The following CDK8 variants were observed in gnomAD, a reference collection of about 807,000 sequenced individuals.
CDK8 encodes cyclin-dependent kinase 8.
A neutral mutation model predicts 71.5 loss-of-function variants in CDK8; 29 were observed. The ratio of observed to expected loss-of-function variants is 0.41; its 90% CI spans 0.30 to 0.55. The LOEUF (loss-of-function observed/expected upper bound fraction) is 0.55, where lower values mean the gene tolerates loss of function less well. CDK8 is among the 20% of genes least tolerant of loss of function. The probability of loss-of-function intolerance (pLI) is 0.37; values close to 1 mark genes in which losing one functional copy is unlikely to be tolerated. For synonymous variants in CDK8, 161 were observed against 192.1 expected (o/e 0.84, Z 1.34); for missense variants, 288 against 572.6 (o/e 0.50, Z 5.07).
rs2138081059 is a variant in CDK8, at chr13:26,404,637, G to A, written c.*556G>A. 1 of 230,978 alleles carries A rather than the reference G, an allele frequency of 4.3e-6. No individual in the cohort carries two copies. The highest frequency in any genetic ancestry group is 2.2e-5 in the African/African-American group (1 of 45,292). The allele number at this position is 230,978 out of a possible 1,614,324, so 14.3% of individuals were successfully genotyped here. A position where few individuals can be genotyped will look rare whatever the true frequency, so the allele number is the denominator to read the frequency against. ...TCAGTGTTTTCTGACCAAGAATATT[G>A]CTTGGATTTTTTTGAAAGTACAAAA... On this transcript the variant is annotated 3_prime_UTR_variant, in exon 13 of 13. Coordinates refer to ENST00000381527, the MANE Select transcript of CDK8 (RefSeq NM_001260.3).
chr13:26,315,170 TAAATC>T (rs1248945789), intron 1 of CDK8, among the ~76,000 whole-genome samples: 1 of 152,238 alleles, frequency 6.6e-6, no homozygotes, highest in Non-Finnish European at 1.5e-5. Flanking sequence ...TATAATTTGT[TAAATC>T]ATAGTTTCTA....
At chr13:26,265,711 A>G (rs1871990804) in intron 1 of CDK8, among the ~76,000 whole-genome samples, 1 of 152,156 alleles carries the variant, frequency 6.6e-6, no homozygotes, top group Non-Finnish European at 1.5e-5. Flanking sequence ...CGGTGAGACA[A>G]TTGAAAGAAT....
In CDK8 at chr13:26,296,102, T is replaced by C. The variant is rs143457586; in HGVS notation, c.128+41333T>C. On this transcript the variant is annotated intron_variant, in intron 1 of 12. Transcript: ENST00000381527. ...GAGTGCCAAAATTAAGCCATGAAAATTGATTCTATCCCATCCGAAGAGCTC... is the reference window on the plus strand; with the variant it reads ...GAGTGCCAAAATTAAGCCATGAAAACTGATTCTATCCCATCCGAAGAGCTC... Among the ~76,000 whole-genome samples the C allele has an allele frequency of 8.0e-3, 1,212 of 152,242 alleles. 25 individuals carry two copies. Among genetic ancestry groups the C allele is most frequent in the African/African-American group, 0.026 (1,091 of 41,544 alleles).
intron 1 of CDK8, among the ~76,000 whole-genome samples, chr13:26,303,805 A>G (rs533153473): frequency 9.8e-5 from 15 of 152,328 alleles, no homozygotes; most frequent in African/African-American, 3.4e-4. Flanking sequence ...TATAGGTATC[A>G]GGGCAAATTT....
intron 7 of CDK8, among the ~76,000 whole-genome samples, chr13:26,395,560 A>G (rs1875952890): frequency 6.6e-6 from 1 of 151,914 alleles, no homozygotes; most frequent in African/African-American, 2.4e-5. Flanking sequence ...GTAGACTCTC[A>G]GGAAAACCCA....
In CDK8 at chr13:26,375,629, T is replaced by G. The variant is rs1018493257; in HGVS notation, c.457-7185T>G. Among the ~76,000 whole-genome samples, 3 of 152,228 alleles carry G rather than the reference T, an allele frequency of 2.0e-5. No individual in the cohort carries two copies. In the South Asian group the frequency reaches 6.2e-4, roughly 31 times the overall value. On this transcript the variant is annotated intron_variant, in intron 4 of 12. Coordinates refer to ENST00000381527, the MANE Select transcript of CDK8 (RefSeq NM_001260.3). ...ATATGCACAAAGTTCATTGCAGCAT[T>G]GTTTCTTAATTACAAGATATTGGAA...
rs1332032880 is a variant in CDK8, at chr13:26,353,834, A to G, written c.410A>G (p.Asp137Gly). The G allele has an allele frequency of 1.2e-6, 2 of 1,613,208 alleles. No individual in the cohort carries two copies. The highest frequency in any genetic ancestry group is 1.7e-5 in the Admixed American group (1 of 60,006). The change falls in exon 4 of 13, where the codon GAT becomes GGT. Residue 137 changes from aspartate to glycine, a missense_variant. Physicochemically the swap from Asp to Gly is moderately conservative, Grantham distance 94 (BLOSUM62 -1). Around this residue, in one of 6 missense-constraint regions of CDK8, gnomAD observed 95 missense variants for 177.3 expected, o/e 0.54. Transcript: ENST00000381527. The part of the protein sequence containing the change: ...MVKSLLYQIL[D>G]GIHYLHANWV... ...AAGTCACTATTATATCAGATCCTAG[A>G]TGGTATTCACTACCTGCATGCTAAC...
chr13:26,281,028 G>A (rs1332466360), intron 1 of CDK8, among the ~76,000 whole-genome samples: 2 of 152,236 alleles, frequency 1.3e-5, no homozygotes, highest in Non-Finnish European at 2.9e-5. Flanking sequence ...TCTGGCTGGA[G>A]GCCAACCACA....
intron 1 of CDK8, among the ~76,000 whole-genome samples, chr13:26,257,817 T>G (rs1380416264): frequency 6.6e-6 from 1 of 152,160 alleles, no homozygotes; most frequent in Non-Finnish European, 1.5e-5. Flanking sequence ...AAAAGGCATT[T>G]TCTTAGCAGG....
In CDK8 at chr13:26,254,891, C is replaced by G; in HGVS notation, c.128+122C>G. ...GCTCTGACTTCCTCGACGCCGGCCT[C>G]TGGCTCCGCCAGCCAGGTTTGGGGA... On this transcript the variant is annotated intron_variant, in intron 1 of 12. Coordinates refer to ENST00000381527, the MANE Select transcript of CDK8 (RefSeq NM_001260.3). The surrounding 1 kb of genome is among the most constrained non-coding windows in gnomAD (Gnocchi z 6.7). 1 of 1,378,710 alleles carries G rather than the reference C, an allele frequency of 7.3e-7. No homozygotes were observed. The highest frequency in any genetic ancestry group is 9.8e-7 in the Non-Finnish European group (1 of 1,017,310). The allele number at this position is 1,378,710 out of a possible 1,614,324, so 85.4% of individuals were successfully genotyped here.
intron 1 of CDK8, among the ~76,000 whole-genome samples, chr13:26,270,159 G>T (rs1416246014): frequency 6.6e-6 from 1 of 152,018 alleles, no homozygotes; most frequent in South Asian, 2.1e-4. Context: ...GGAGGCCGAG[G>T]CAGGTAGATC....
chr13:26,389,262 A>G (rs879758667), intron 6 of CDK8, among the ~76,000 whole-genome samples: 2 of 152,146 alleles, frequency 1.3e-5, no homozygotes, highest in African/African-American at 2.4e-5. Context: ...TCCCAGGTTC[A>G]GGCAATTCTG....
At chr13:26,328,042 C>T (rs1373711585) in intron 1 of CDK8, among the ~76,000 whole-genome samples, 1 of 150,700 alleles carries the variant, frequency 6.6e-6, no homozygotes, top group Non-Finnish European at 1.5e-5. Flanking sequence ...AGATACCACA[C>T]CAAAGCAACT....
At chr13:26,353,162 A>G (rs1370656932) in intron 3 of CDK8, among the ~76,000 whole-genome samples, 1 of 152,210 alleles carries the variant, frequency 6.6e-6, no homozygotes, top group Non-Finnish European at 1.5e-5. Flanking sequence ...GTTTTACTGG[A>G]TGTCTAACAA....
At chr13:26,289,051 GTTTTTTTTTTTT>G (rs5802371) in intron 1 of CDK8, among the ~76,000 whole-genome samples, 2 of 56,232 alleles carry the variant, frequency 3.6e-5, no homozygotes, top group African/African-American at 6.0e-5. Context: ...AGCTTCTGTA[GTTTTTTTTTTTT>G]TTTTTTTTTT....
At chr13:26,368,479 T>G (rs1189503995) in intron 4 of CDK8, among the ~76,000 whole-genome samples, 1 of 152,224 alleles carries the variant, frequency 6.6e-6, no homozygotes, top group Non-Finnish European at 1.5e-5. Context: ...CATTATTTTA[T>G]GTACCACTAA....
chr13:26,400,210 T>C lies in CDK8; in HGVS notation c.934-243T>C, dbSNP rs145529051. On this transcript the variant is annotated intron_variant, in intron 9 of 12. Transcript: ENST00000381527. ...GCCATTTAGATAATGGGGGTGGGGA[T>C]CCATTTGTTTAGTCAGAGAACATAA... The C allele has an allele frequency of 2.7e-3, 1,152 of 420,240 alleles. 4 individuals are homozygous for C. Among genetic ancestry groups the C allele is most frequent in the Non-Finnish European group, 4.1e-3 (967 of 234,172 alleles). The allele number at this position is 420,240 out of a possible 1,614,324, so 26.0% of individuals were successfully genotyped here.
intron 1 of CDK8, among the ~76,000 whole-genome samples, chr13:26,319,914 C>G (rs538185787): frequency 6.6e-6 from 1 of 152,234 alleles, no homozygotes; most frequent in South Asian, 2.1e-4. Flanking sequence ...GAAATGAACT[C>G]TTGCATATAT....
At chr13:26,278,166 C>A (rs1233614883) in intron 1 of CDK8, among the ~76,000 whole-genome samples, 1 of 152,160 alleles carries the variant, frequency 6.6e-6, no homozygotes, top group Non-Finnish European at 1.5e-5. Context: ...CTTGTATGGT[C>A]CTGCCAGTTC....
Sources: gnomAD v4.1 joint callset for allele counts (sites outside exome capture counted in the v4.1 genomes callset) on GRCh38, gnomAD v4.1.1 for gene constraint, gnomAD v4.1.1 regional missense constraint, Gnocchi (gnomAD v3.1) non-coding constraint, MANE v1.5 for transcripts, NCBI Gene and HGNC (gene_info 2026-07-23, HGNC 2026-07-21) for gene names.